The following SUCLG2 variants were observed in gnomAD, a reference collection of about 807,000 sequenced individuals.
SUCLG2 encodes the protein succinate--CoA ligase [GDP-forming] subunit beta, mitochondrial.
In SUCLG2, 42 loss-of-function variants were observed where a neutral mutation model predicts 47.9. The observed-to-expected ratio is 0.88, with a 90% CI of 0.69 to 1.14. The LOEUF (loss-of-function observed/expected upper bound fraction) is 1.14, where lower values mean the gene tolerates loss of function less well. SUCLG2 is among the 50% of genes most tolerant of loss of function. The pLI, the probability that SUCLG2 is intolerant of heterozygous loss-of-function variation, is 0.00. For missense variants in SUCLG2, 571 were observed against 525.9 expected, an observed-to-expected ratio of 1.09 and a Z score of -0.84; for synonymous variants, 195 against 197.3, an observed-to-expected ratio of 0.99 and a Z score of 0.10.
At chr3:67,418,273 A>T (rs527250435) in intron 9 of SUCLG2, among the ~76,000 whole-genome samples, 1 of 152,224 alleles carries the variant, frequency 6.6e-6, no homozygotes, top group Non-Finnish European at 1.5e-5. Flanking sequence ...ACTTATTAGC[A>T]GTCAGCAATT....
Position 67,607,729 on chromosome 3 carries a change from G to C in SUCLG2, c.226+1726C>G, listed in dbSNP as rs143815672. ...TCCACATGTCAAGGGTGGGGCCAGG[G>C]GGAGATAACTGAATCATTGGGGCAG... On this transcript the variant is annotated intron_variant, in intron 2 of 10. Coordinates refer to ENST00000307227, the MANE Select transcript of SUCLG2 (RefSeq NM_003848.4). Among the ~76,000 whole-genome samples, 529 of 152,264 alleles carry C rather than the reference G, an allele frequency of 3.5e-3. 6 individuals carry two copies. The highest frequency in any genetic ancestry group is 0.02 in the East Asian group (101 of 5,172).
intron 2 of SUCLG2, among the ~76,000 whole-genome samples, chr3:67,599,537 A>G (rs931887547): frequency 1.1e-4 from 17 of 152,248 alleles, no homozygotes; most frequent in Admixed American, 9.2e-4. Flanking sequence ...AAGAAAATAT[A>G]TATTTATGTA....
intron 9 of SUCLG2, among the ~76,000 whole-genome samples, chr3:67,423,964 T>G (rs1468485054): frequency 6.6e-6 from 1 of 152,200 alleles, no homozygotes; most frequent in Admixed American, 6.5e-5. Context: ...TTCCACTTCA[T>G]GAAGTCTCTA....
At chr3:67,642,723 G>GCACAAAAC (rs1701122437) in intron 1 of SUCLG2, among the ~76,000 whole-genome samples, 1 of 152,168 alleles carries the variant, frequency 6.6e-6, no homozygotes, top group African/African-American at 2.4e-5. Context: ...CAAGTGCACA[G>GCACAAAAC]CACCAAACCT....
rs375161414 is a variant in SUCLG2 at position 67,415,707 on chromosome 3, T to G, written c.1063-14856A>C. ...CCAGATGCAACACATTCCTTAAACA[T>G]GAGACAAATCCTCCCTTGAAGATCT... is the stretch of plus-strand genomic sequence containing the variant. On this transcript the variant is annotated intron_variant, in intron 9 of 10. Coordinates refer to ENST00000307227, the MANE Select transcript of SUCLG2 (RefSeq NM_003848.4). Among the ~76,000 whole-genome samples, 10 of 152,328 alleles carry G rather than the reference T, an allele frequency of 6.6e-5. No homozygotes were observed. In the East Asian group the frequency reaches 1.9e-3, roughly 29 times the overall value.
intron 9 of SUCLG2, among the ~76,000 whole-genome samples, chr3:67,462,154 C>T (rs1704352590): frequency 6.6e-6 from 1 of 152,058 alleles, no homozygotes; most frequent in African/African-American, 2.4e-5. Context: ...AAGCAAACCT[C>T]AAAAAACAAT....
chr3:67,460,485 TGGGAA>T (rs529218563), intron 9 of SUCLG2, among the ~76,000 whole-genome samples: 67 of 152,304 alleles, frequency 4.4e-4, no homozygotes, highest in African/African-American at 1.5e-3. Flanking sequence ...ACTTCAGAGA[TGGGAA>T]GTGACTTTTC....
At chr3:67,524,312 A>C (rs1389884447) in intron 4 of SUCLG2, among the ~76,000 whole-genome samples, 3 of 152,208 alleles carry the variant, frequency 2.0e-5, no homozygotes, top group East Asian at 3.9e-4. Flanking sequence ...TGACCTATCT[A>C]CTGCTGAATC....
At chr3:67,606,349 G>C (rs972898764) in intron 2 of SUCLG2, among the ~76,000 whole-genome samples, 2 of 152,210 alleles carry the variant, frequency 1.3e-5, no homozygotes, top group South Asian at 4.1e-4. Flanking sequence ...ATCTCAAAGA[G>C]ATTAGGTGTT....
At chr3:67,426,888 C>A (rs1019700119) in intron 9 of SUCLG2, among the ~76,000 whole-genome samples, 21 of 152,060 alleles carry the variant, frequency 1.4e-4, no homozygotes, top group African/African-American at 4.8e-4. Context: ...GATCTTGCCA[C>A]TGCACTCCAA....
chr3:67,375,058 A>C lies in SUCLG2; in HGVS notation c.*686T>G. ...GCTTCCACTCCCAAAATCACAAATA[A>C]GGCTTCTGGTTTTCTTTTTAGTGTG... On this transcript the variant is annotated 3_prime_UTR_variant, in exon 11 of 11. Coordinates refer to ENST00000307227, the MANE Select transcript of SUCLG2 (RefSeq NM_003848.4). The C allele has an allele frequency of 1.0e-6, 1 of 985,764 alleles. No individual in the cohort carries two copies. 61.1% of individuals were successfully genotyped at this position (985,764 alleles called of 1,614,324 possible).
chr3:67,567,236 A>G (rs1003930238), intron 2 of SUCLG2, among the ~76,000 whole-genome samples: 1 of 150,774 alleles, frequency 6.6e-6, no homozygotes, highest in Admixed American at 6.6e-5. Context: ...ACTTAAAAAT[A>G]CTTTTAAATA....
intron 9 of SUCLG2, among the ~76,000 whole-genome samples, chr3:67,424,513 T>C (rs559644078): frequency 6.6e-6 from 1 of 152,264 alleles, no homozygotes; most frequent in Admixed American, 6.5e-5. Flanking sequence ...ATACGGAATA[T>C]AGTGTAAAAT....
chr3:67,521,745 G>A lies in SUCLG2; in HGVS notation c.418-1111C>T, dbSNP rs190209156. Among the ~76,000 whole-genome samples, 61 of 151,828 alleles carry A rather than the reference G, an allele frequency of 4.0e-4. 1 individual carries two copies. The highest frequency in any genetic ancestry group is 1.4e-3 in the African/African-American group (56 of 41,314). On this transcript the variant is annotated intron_variant, in intron 4 of 10. Coordinates refer to ENST00000307227, the MANE Select transcript of SUCLG2 (RefSeq NM_003848.4). ...AGCAATTCTCATGCTTCAGCCTCCC[G>A]AGTAGCTGGGCTTACAGGTGCCTGC...
intron 1 of SUCLG2, among the ~76,000 whole-genome samples, chr3:67,613,722 A>G (rs727946): frequency 0.013 from 1,932 of 152,322 alleles, 52 homozygotes; most frequent in African/African-American, 0.044. Context: ...TTACTGACCA[A>G]TAAAGCCATG....
intron 9 of SUCLG2, among the ~76,000 whole-genome samples, chr3:67,436,362 C>T (rs1271264019): frequency 6.6e-6 from 1 of 152,080 alleles, no homozygotes; most frequent in African/African-American, 2.4e-5. Flanking sequence ...AGAGAGCCCA[C>T]AAGGAGATGG....
chr3:67,469,246 A>C (rs1197559626), intron 9 of SUCLG2, among the ~76,000 whole-genome samples: 1 of 152,200 alleles, frequency 6.6e-6, no homozygotes, highest in East Asian at 1.9e-4. Flanking sequence ...AAGCAGCGGG[A>C]GCTAAACAAA....
chr3:67,428,780 T>A (rs947582265), intron 9 of SUCLG2, among the ~76,000 whole-genome samples: 1 of 152,120 alleles, frequency 6.6e-6, no homozygotes, highest in Non-Finnish European at 1.5e-5. Flanking sequence ...CTGAAAACCA[T>A]GGCATGAGAA....
Position 67,608,908 on chromosome 3 carries a change from C to T in SUCLG2, c.226+547G>A, listed in dbSNP as rs373250638. Reference sequence around the variant, plus strand: ...CCCAGGCTGGTCTCAAACTCCTGGACTCAAGTGATCCTCCCTCCTCAGCCT... The same window carrying T: ...CCCAGGCTGGTCTCAAACTCCTGGATTCAAGTGATCCTCCCTCCTCAGCCT... On this transcript the variant is annotated intron_variant, in intron 2 of 10. Coordinates refer to ENST00000307227, the MANE Select transcript of SUCLG2 (RefSeq NM_003848.4). Among the ~76,000 whole-genome samples, 18 of 152,242 alleles carry T rather than the reference C, an allele frequency of 1.2e-4. 1 individual carries two copies. The highest frequency in any genetic ancestry group is 6.5e-4 in the Admixed American group (10 of 15,290).
Sources: gnomAD v4.1 joint callset for allele counts (sites outside exome capture counted in the v4.1 genomes callset) on GRCh38, gnomAD v4.1.1 for gene constraint, MANE v1.5 for transcripts, NCBI Gene and HGNC (gene_info 2026-07-23, HGNC 2026-07-21) for gene names.